MOBP: variants seen among roughly 807,000 people sequenced by gnomAD.
MOBP encodes the protein myelin associated oligodendrocyte basic protein.
MOBP carries 5 observed loss-of-function variants against 15.0 expected under a neutral mutation model. That is an observed-to-expected ratio of 0.33 (90% CI 0.17 to 0.70). The LOEUF (loss-of-function observed/expected upper bound fraction) is 0.70, where lower values mean the gene tolerates loss of function less well. Ranked by LOEUF, MOBP falls within the 30% of genes least tolerant of loss-of-function variation. The pLI, the probability that MOBP is intolerant of heterozygous loss-of-function variation, is 0.67. For synonymous variants in MOBP, 88 were observed against 99.0 expected, an observed-to-expected ratio of 0.89 and a Z score of 0.66; for missense variants, 188 against 257.8, an observed-to-expected ratio of 0.73 and a Z score of 1.85.
chr3:39,503,700 T>G (rs2043010843), downstream of MOBP, among the ~76,000 whole-genome samples: 1 of 149,430 alleles, frequency 6.7e-6, no homozygotes, highest in Non-Finnish European at 1.5e-5. Flanking sequence ...TGAAGGTATA[T>G]CAGCATGCCA....
Position 39,502,848 on chromosome 3 carries a change from G to A in MOBP, c.520G>A (p.Gly174Arg). ...PLRGPGASRGGSPVKASRFW is the reference protein window; with the variant it reads ...PLRGPGASRGRSPVKASRFW ...CAGAGGGCCAGGCGCCAGCCGTGGG[G>A]GGTCCCCCGTCAAAGCTTCTAGGTT... The change falls in exon 4 of 4, where the codon GGG (glycine) becomes AGG (arginine). Residue 174 changes from glycine to arginine, a missense_variant. Coordinates refer to ENST00000684792, the MANE Select transcript of MOBP (RefSeq NM_001393704.1). The surrounding 1 kb of genome is among the most constrained non-coding windows in gnomAD (Gnocchi z 6.3). 6.8e-7 allele frequency: 1 copy of A among 1,473,770 alleles called. No homozygotes were observed. The highest frequency in any genetic ancestry group is 9.1e-7 in the Non-Finnish European group (1 of 1,099,850). The allele number at this position is 1,473,770 out of a possible 1,614,324, so 91.3% of individuals were successfully genotyped here.
At chr3:39,503,598 G>A (rs2043008797), downstream of MOBP, among the ~76,000 whole-genome samples, 2 of 144,818 alleles carry the variant, frequency 1.4e-5, no homozygotes, top group South Asian at 4.3e-4. Context: ...GCAAAATTAA[G>A]GGGAAGGTAC....
At chr3:39,497,253 AG>A (rs1260280663) in intron 2 of MOBP, among the ~76,000 whole-genome samples, 1 of 152,232 alleles carries the variant, frequency 6.6e-6, no homozygotes, top group Non-Finnish European at 1.5e-5. Context: ...AGTCCCGGAC[AG>A]GGACCCTTCT....
chr3:39,508,251 C>T (rs193065088), intron 4 of MOBP, among the ~76,000 whole-genome samples: 1 of 152,226 alleles, frequency 6.6e-6, no homozygotes, highest in Non-Finnish European at 1.5e-5. Flanking sequence ...TCATATGTAT[C>T]AGGCTTACTG....
chr3:39,496,949 C>T (rs1575305996), intron 2 of MOBP, among the ~76,000 whole-genome samples: 2 of 152,294 alleles, frequency 1.3e-5, no homozygotes. Flanking sequence ...AGGCGTTAGC[C>T]ACCTCGCCCG....
At chr3:39,468,998 G>A (rs562734586) in intron 1 of MOBP, among the ~76,000 whole-genome samples, 3 of 105,776 alleles carry the variant, frequency 2.8e-5, no homozygotes, top group South Asian at 2.9e-4. Flanking sequence ...ATATGTGTGT[G>A]TATATATACA....
intron 2 of MOBP, among the ~76,000 whole-genome samples, chr3:39,485,000 G>A (rs2042681408): frequency 6.6e-6 from 1 of 152,150 alleles, no homozygotes; most frequent in Non-Finnish European, 1.5e-5. Context: ...AATAATTAAG[G>A]ACTCTCTTAT....
chr3:39,487,681 G>A (rs150592442), intron 2 of MOBP, among the ~76,000 whole-genome samples: 45 of 151,732 alleles, frequency 3.0e-4, no homozygotes, highest in African/African-American at 1.0e-3. Flanking sequence ...CAGCCACCAC[G>A]CCTGGCTAAT....
intron 1 of MOBP, among the ~76,000 whole-genome samples, chr3:39,477,718 G>A (rs2042563563): frequency 6.6e-6 from 1 of 151,776 alleles, no homozygotes; most frequent in Non-Finnish European, 1.5e-5. Flanking sequence ...GTGTGTTATA[G>A]TCCCTGAAGA....
At chr3:39,486,949 T>C (rs2042719122) in intron 2 of MOBP, among the ~76,000 whole-genome samples, 1 of 151,352 alleles carries the variant, frequency 6.6e-6, no homozygotes, top group Non-Finnish European at 1.5e-5. Context: ...TTTTTTAACT[T>C]CTGTTTTTAG....
At chr3:39,488,830 C>CT (rs903396787) in intron 2 of MOBP, among the ~76,000 whole-genome samples, 1 of 152,210 alleles carries the variant, frequency 6.6e-6, no homozygotes, top group Non-Finnish European at 1.5e-5. Flanking sequence ...TGCTGCTGCC[C>CT]TTGTCAAAGT....
intron 2 of MOBP, among the ~76,000 whole-genome samples, chr3:39,493,368 T>C (rs1274643744): frequency 6.6e-6 from 1 of 152,156 alleles, no homozygotes; most frequent in African/African-American, 2.4e-5. Flanking sequence ...GAAAAAGATA[T>C]ATTGTGTTCA....
chr3:39,519,893 TTCTTC>T (rs1265878118), downstream of MOBP, among the ~76,000 whole-genome samples: 1 of 151,494 alleles, frequency 6.6e-6, no homozygotes, highest in Non-Finnish European at 1.5e-5. Context: ...CCTCTTTCTC[TTCTTC>T]TAACTCCTAT....
downstream of MOBP, among the ~76,000 whole-genome samples, chr3:39,516,574 G>C (rs1280601798): frequency 6.6e-6 from 1 of 152,166 alleles, no homozygotes; most frequent in African/African-American, 2.4e-5. Context: ...TGGGGTCAGA[G>C]GCATGAGGAT....
chr3:39,469,093 T>C lies in MOBP; in HGVS notation c.-89+1353T>C, dbSNP rs1481053052. 3.0e-5 allele frequency among the ~76,000 whole-genome samples: 2 copies of C among 67,496 alleles called. 1 individual carries two copies. 44.3% of individuals were successfully genotyped at this position (67,496 alleles called of 152,430 possible). ...ACATATGTGTGTGTGTATATACATA[T>C]ATACATATGTGTGTGTATATATACA... On this transcript the variant is annotated intron_variant, in intron 1 of 3. Transcript: ENST00000684792.
intron 1 of MOBP, among the ~76,000 whole-genome samples, chr3:39,479,393 C>CTT (rs34813360): frequency 2.9e-5 from 4 of 136,310 alleles, no homozygotes; most frequent in African/African-American, 5.3e-5. Flanking sequence ...CTTATAAGAC[C>CTT]TTTTTTTTTT....
chr3:39,501,141 C>A (rs903224197), intron 2 of MOBP, among the ~76,000 whole-genome samples: 2 of 152,232 alleles, frequency 1.3e-5, no homozygotes, highest in Admixed American at 6.5e-5. Context: ...ATTATAGGTT[C>A]TGTCTTCAAG....
chr3:39,525,517 C>G (rs1017483149), downstream of MOBP: 1 of 152,338 alleles, frequency 6.6e-6, no homozygotes, highest in Non-Finnish European at 1.5e-5. Flanking sequence ...GCATCAGGAA[C>G]AGTCTTGTGC....
At chr3:39,491,779 G>A (rs1406554883) in intron 2 of MOBP, among the ~76,000 whole-genome samples, 1 of 152,194 alleles carries the variant, frequency 6.6e-6, no homozygotes, top group East Asian at 1.9e-4. Flanking sequence ...TAGGAAAGAA[G>A]AGAAAAAGCA....
Sources: gnomAD v4.1 joint callset for allele counts (sites outside exome capture counted in the v4.1 genomes callset) on GRCh38, gnomAD v4.1.1 for gene constraint, Gnocchi (gnomAD v3.1) non-coding constraint, MANE v1.5 for transcripts, NCBI Gene and HGNC (gene_info 2026-07-23, HGNC 2026-07-21) for gene names.